The following EYS variants were observed in gnomAD, a reference collection of about 807,000 sequenced individuals.
EYS encodes the protein protein eyes shut homolog.
Under a neutral mutation model 282.1 loss-of-function variants are expected in EYS, and 250 were observed. The ratio of observed to expected loss-of-function variants is 0.89; its 90% confidence interval spans 0.80 to 0.98. The LOEUF (loss-of-function observed/expected upper bound fraction) is 0.98. Among genes scored for constraint, EYS ranks in the 50% least tolerant of loss-of-function variants. The probability of loss-of-function intolerance (pLI) is 0.00; values close to 1 mark genes in which losing one functional copy is unlikely to be tolerated. For synonymous variants in EYS, 1,355 were observed against 1,282.9 expected (o/e 1.06, Z -1.20); for missense variants, 4,016 against 3,709.0 (o/e 1.08, Z -2.15).
intron 13 of EYS, among the ~76,000 whole-genome samples, chr6:65,034,767 G>A (rs1032354419): frequency 3.3e-5 from 5 of 151,902 alleles, no homozygotes; most frequent in Non-Finnish European, 7.4e-5. Flanking sequence ...TTTATTTATA[G>A]CAATATAAAA....
intron 36 of EYS, among the ~76,000 whole-genome samples, chr6:63,863,663 CTTTTCTTTTTTCTTTTT>C (rs1772593993): frequency 3.6e-5 from 2 of 55,790 alleles, no homozygotes; most frequent in Admixed American, 1.8e-4. Context: ...CTTTTCTTTT[CTTTTCTTTTTTCTTTTT>C]TTTTTTTTTT....
chr6:65,604,387 A>G lies in EYS; in HGVS notation c.-333+35391T>C, dbSNP rs981361506. Among the ~76,000 whole-genome samples, 6 of 152,142 alleles carry G rather than the reference A, an allele frequency of 3.9e-5. No individual in the cohort carries two copies. In the South Asian group the frequency reaches 8.3e-4, roughly 21 times the overall value. ...AGGGAAGACTCAAAACCCAGAATAC[A>G]TAAAAGGGAAAATTCACACGATTAA... On this transcript the variant is annotated intron_variant, in intron 2 of 42. Coordinates refer to ENST00000503581, the MANE Select transcript of EYS (RefSeq NM_001142800.2).
chr6:65,208,423 C>T (rs1454105519), intron 12 of EYS, among the ~76,000 whole-genome samples: 1 of 151,732 alleles, frequency 6.6e-6, no homozygotes, highest in Non-Finnish European at 1.5e-5. Flanking sequence ...ACTACAACTA[C>T]CATTTGATCC....
At chr6:65,510,512 A>G (rs917973726) in intron 2 of EYS, among the ~76,000 whole-genome samples, 5 of 152,142 alleles carry the variant, frequency 3.3e-5, no homozygotes, top group African/African-American at 1.2e-4. Flanking sequence ...ATATCATTTG[A>G]TTCACACTTT....
At chr6:64,264,093 C>A (rs1283684414) in intron 30 of EYS, among the ~76,000 whole-genome samples, 1 of 93,610 alleles carries the variant, frequency 1.1e-5, no homozygotes, top group African/African-American at 4.2e-5. Context: ...CTCTAGTGAG[C>A]TAAAAGAAAA....
intron 2 of EYS, among the ~76,000 whole-genome samples, chr6:65,635,303 G>A (rs573149742): frequency 1.3e-5 from 2 of 152,202 alleles, no homozygotes; most frequent in South Asian, 2.1e-4. Context: ...AGAGTAAGGT[G>A]CTATGGAGCC....
chr6:64,948,434 TAATATTAAATATTGTATTTAATATTATTA>T (rs975792463), intron 14 of EYS, among the ~76,000 whole-genome samples: 4 of 147,822 alleles, frequency 2.7e-5, no homozygotes, highest in Admixed American at 6.8e-5. Context: ...TAGTATTAAA[TAATATTAAATATTGTATTTAATATTATTA>T]AATATTAAAT....
At chr6:64,819,970 T>C (rs1764852509) in intron 21 of EYS, among the ~76,000 whole-genome samples, 1 of 152,070 alleles carries the variant, frequency 6.6e-6, no homozygotes, top group Admixed American at 6.6e-5. Flanking sequence ...GATAGTAACC[T>C]AGGAAAATAT....
chr6:64,317,049 A>G (rs112073464), intron 29 of EYS, among the ~76,000 whole-genome samples: 1 of 152,212 alleles, frequency 6.6e-6, no homozygotes, highest in African/African-American at 2.4e-5. Flanking sequence ...CTTACACCTT[A>G]TATAAAAATT....
Position 64,567,263 on chromosome 6 carries a change from A to G in EYS, c.5644+22960T>C, listed in dbSNP as rs556352810. ...ATCAAAACAAAATTTAGTATAATAC[A>G]TTTTATAAAGTCAACACATGATTCA... is the stretch of plus-strand genomic sequence containing the variant. On this transcript the variant is annotated intron_variant, in intron 26 of 42. Transcript: ENST00000503581. 1.2e-3 allele frequency among the ~76,000 whole-genome samples: 186 copies of G among 152,312 alleles called. 1 individual carries two copies. The highest frequency in any genetic ancestry group is 6.8e-3 in the Middle Eastern group (2 of 294).
chr6:64,648,595 A>G (rs1460291620), intron 22 of EYS, among the ~76,000 whole-genome samples: 1 of 152,226 alleles, frequency 6.6e-6, no homozygotes, highest in Non-Finnish European at 1.5e-5. Flanking sequence ...CTAAGAGTGC[A>G]TAATCTGAGT....
Position 65,397,902 on chromosome 6 carries a change from A to T in EYS, c.1184+4576T>A, listed in dbSNP as rs542665549. 2.6e-5 allele frequency among the ~76,000 whole-genome samples: 4 copies of T among 152,150 alleles called. No homozygotes were observed. The South Asian group carries it at 8.3e-4, about 32-fold the overall frequency. The stretch of plus-strand genomic sequence containing the variant: ...TGTGTAAGCATACCCTTCTCTCTGC[A>T]TCCTTGCCAACATCTGTTGTTTCTT... On this transcript the variant is annotated intron_variant, in intron 7 of 42. Coordinates refer to ENST00000503581, the MANE Select transcript of EYS (RefSeq NM_001142800.2).
intron 31 of EYS, among the ~76,000 whole-genome samples, chr6:64,198,373 T>C (rs574200652): frequency 3.7e-4 from 56 of 152,184 alleles, no homozygotes; most frequent in Middle Eastern, 3.4e-3. Flanking sequence ...GTTTGTTACA[T>C]AGGTATACAT....
chr6:64,083,766 C>T (rs566069652), intron 31 of EYS, among the ~76,000 whole-genome samples: 232 of 152,278 alleles, frequency 1.5e-3, no homozygotes, highest in African/African-American at 5.4e-3. Context: ...TTGAGACAGT[C>T]TTGCTTCGTT....
At chr6:64,792,240 G>C (rs1165197785) in intron 22 of EYS, among the ~76,000 whole-genome samples, 1 of 151,888 alleles carries the variant, frequency 6.6e-6, no homozygotes, top group Non-Finnish European at 1.5e-5. Context: ...TTCTAATGAT[G>C]AAAGTAACAC....
rs1380648820 is a variant in EYS at position 65,384,080 on chromosome 6, T to C, written c.1299+306A>G. On this transcript the variant is annotated intron_variant, in intron 8 of 42. Transcript: ENST00000503581. ...CACTAGACTGATTTTATTTCTCATC[T>C]AGTTAAAGAGCTTAAAGTATTAGTA... Among the ~76,000 whole-genome samples the C allele has an allele frequency of 2.0e-5, 3 of 151,888 alleles. No individual in the cohort carries two copies. In the Admixed American group the frequency reaches 2.0e-4, roughly 10 times the overall value.
At chr6:65,423,625 G>T (rs1767550085) in intron 5 of EYS, among the ~76,000 whole-genome samples, 1 of 151,780 alleles carries the variant, frequency 6.6e-6, no homozygotes, top group South Asian at 2.1e-4. Flanking sequence ...TCTGGCTTTT[G>T]CTATGCCCAT....
intron 8 of EYS, among the ~76,000 whole-genome samples, chr6:65,377,815 T>G (rs1403388759): frequency 6.6e-6 from 1 of 151,968 alleles, no homozygotes; most frequent in Non-Finnish European, 1.5e-5. Flanking sequence ...CCTGGACATA[T>G]ACATCCTCCC....
intron 14 of EYS, among the ~76,000 whole-genome samples, chr6:64,988,357 A>C (rs1770937573): frequency 1.3e-5 from 2 of 151,582 alleles, no homozygotes; most frequent in South Asian, 4.1e-4. Flanking sequence ...GCATCCGATG[A>C]TATCATGTCA....
Sources: allele counts gnomAD v4.1 joint callset (sites outside exome capture counted in the v4.1 genomes callset), GRCh38; gene constraint gnomAD v4.1.1; transcripts MANE v1.5; gene names NCBI Gene and HGNC (gene_info 2026-07-23, HGNC 2026-07-21).